The following FOXP1 variants were observed in gnomAD, a reference collection of about 807,000 sequenced individuals.
FOXP1 encodes forkhead box P1.
A neutral mutation model predicts 98.2 loss-of-function variants in FOXP1; 15 were observed. The ratio of observed to expected loss-of-function variants is 0.15; its 90% CI spans 0.10 to 0.24. The LOEUF is 0.24. FOXP1 is among the 10% of genes least tolerant of loss of function. The probability of loss-of-function intolerance (pLI) is 1.00; values close to 1 mark genes in which losing one functional copy is unlikely to be tolerated. For missense variants in FOXP1, 633 were observed against 848.5 expected (o/e 0.75, Z 3.15); for synonymous variants, 371 against 314.5 (o/e 1.18, Z -1.90).
At chr3:71,462,349 T>C (rs1362047672) in intron 3 of FOXP1, among the ~76,000 whole-genome samples, 1 of 152,172 alleles carries the variant, frequency 6.6e-6, no homozygotes, top group East Asian at 1.9e-4. Context: ...TAGATGTTCA[T>C]GTCACAGAAT....
rs143762398 is a variant in FOXP1, at chr3:71,136,080, T to G, written c.181-23443A>C. On this transcript the variant is annotated intron_variant, in intron 6 of 20. Coordinates refer to ENST00000649528, the MANE Select transcript of FOXP1 (RefSeq NM_001349338.3). ...GTTAAATATGATTTATCTAAATCTG[T>G]TTATAATTTAAATATTCATTAAGTA... 1.9e-3 allele frequency among the ~76,000 whole-genome samples: 292 copies of G among 152,292 alleles called. 2 individuals are homozygous for G. The highest frequency in any genetic ancestry group is 6.8e-3 in the African/African-American group (283 of 41,552).
At chr3:71,254,672 A>C (rs952509582) in intron 5 of FOXP1, among the ~76,000 whole-genome samples, 1 of 152,196 alleles carries the variant, frequency 6.6e-6, no homozygotes, top group Non-Finnish European at 1.5e-5. Context: ...TTACACACTG[A>C]AGAGGGCTTT....
chr3:71,123,266 C>T (rs2058916675), intron 6 of FOXP1, among the ~76,000 whole-genome samples: 1 of 152,206 alleles, frequency 6.6e-6, no homozygotes, highest in Non-Finnish European at 1.5e-5. Flanking sequence ...GCAGCAGCAT[C>T]CTGTGTTTCT....
In FOXP1 at chr3:70,966,505, T is replaced by C. The variant is rs1045404873; in HGVS notation, c.1723-449A>G. Among the ~76,000 whole-genome samples the C allele has an allele frequency of 5.3e-5, 8 of 152,230 alleles. No homozygotes were observed. The South Asian group carries it at 6.2e-4, about 12-fold the overall frequency. ...ATCCTGGCCGCACCGCTCAAACTTA[T>C]GAGAACTTCCATAAACATTTACCTC... On this transcript the variant is annotated intron_variant, in intron 19 of 20. Coordinates refer to ENST00000649528, the MANE Select transcript of FOXP1 (RefSeq NM_001349338.3).
intron 6 of FOXP1, among the ~76,000 whole-genome samples, chr3:71,158,106 AGGGAG>A (rs2060922405): frequency 3.0e-5 from 1 of 33,264 alleles, no homozygotes; most frequent in East Asian, 1.6e-3. Context: ...GAAGGAAGGA[AGGGAG>A]GGAGGGAGGG....
chr3:71,470,407 C>G (rs995412113), intron 3 of FOXP1, among the ~76,000 whole-genome samples: 3 of 152,186 alleles, frequency 2.0e-5, no homozygotes, highest in Non-Finnish European at 4.4e-5. Context: ...ATTCTTCTTT[C>G]TTAATGACTT....
At chr3:71,438,389 C>T (rs1249458514) in intron 3 of FOXP1, among the ~76,000 whole-genome samples, 1 of 152,190 alleles carries the variant, frequency 6.6e-6, no homozygotes, top group African/African-American at 2.4e-5. Context: ...CCTATTTCCA[C>T]TTCTTTATCC....
chr3:71,333,913 T>C (rs1020520146), intron 4 of FOXP1: 8 of 149,146 alleles, frequency 5.4e-5, no homozygotes, highest in African/African-American at 2.0e-4. Flanking sequence ...AGAATAAACT[T>C]GAAAAAAAGA....
intron 2 of FOXP1, among the ~76,000 whole-genome samples, chr3:71,545,366 CT>C (rs1435750293): frequency 6.6e-6 from 1 of 152,164 alleles, no homozygotes; most frequent in East Asian, 1.9e-4. Context: ...AATGGTTTTC[CT>C]AATAGCTCTT....
At chr3:71,516,872 A>T (rs1385861621) in intron 2 of FOXP1, among the ~76,000 whole-genome samples, 1 of 152,134 alleles carries the variant, frequency 6.6e-6, no homozygotes, top group Non-Finnish European at 1.5e-5. Flanking sequence ...GAAAAGACTC[A>T]TTCTTCTGTT....
At chr3:71,278,191 A>G (rs1326765316) in intron 5 of FOXP1, among the ~76,000 whole-genome samples, 1 of 152,214 alleles carries the variant, frequency 6.6e-6, no homozygotes, top group African/African-American at 2.4e-5. Flanking sequence ...AAAGGCATTA[A>G]GCAGGGCCTG....
At chr3:71,514,328 T>C (rs2042407277) in intron 2 of FOXP1, among the ~76,000 whole-genome samples, 1 of 152,318 alleles carries the variant, frequency 6.6e-6, no homozygotes, top group South Asian at 2.1e-4. Context: ...CTACTTGGCG[T>C]CACAATCAAA....
intron 5 of FOXP1, among the ~76,000 whole-genome samples, chr3:71,248,294 T>C (rs547579968): frequency 6.6e-6 from 1 of 152,228 alleles, no homozygotes; most frequent in African/African-American, 2.4e-5. Flanking sequence ...ATAACTAATA[T>C]TCAAAATCTG....
rs557950284 is a variant in FOXP1 at position 71,479,584 on chromosome 3, C to T, written c.-168+13842G>A. ...ATCCCAGCTACTCAGGAGGCTGAGG[C>T]AGGAGAATCACTTGAACCCAGGAGG... On this transcript the variant is annotated intron_variant, in intron 3 of 20. Transcript: ENST00000649528. Among the ~76,000 whole-genome samples the T allele has an allele frequency of 4.0e-5, 6 of 150,054 alleles. No individual in the cohort carries two copies. In the South Asian group the frequency reaches 6.3e-4, roughly 16 times the overall value.
chr3:71,372,196 A>G lies in FOXP1; in HGVS notation c.-167-12952T>C, dbSNP rs1475947363. On this transcript the variant is annotated intron_variant, in intron 3 of 20. Coordinates refer to ENST00000649528, the MANE Select transcript of FOXP1 (RefSeq NM_001349338.3). ...CCTGGCTAATTTTTTTTTTTTTTGT[A>G]CTTTTAGTAGAGACAGGGTTTTGCC... is the stretch of plus-strand genomic sequence containing the variant. Among the ~76,000 whole-genome samples the G allele has an allele frequency of 9.0e-4, 87 of 96,238 alleles. No individual in the cohort carries two copies. The East Asian group carries it at 0.039, about 44-fold the overall frequency. The allele number at this position is 96,238 out of a possible 152,430, so 63.1% of individuals were successfully genotyped here.
At chr3:71,477,070 G>A (rs1480258503) in intron 3 of FOXP1, among the ~76,000 whole-genome samples, 1 of 152,130 alleles carries the variant, frequency 6.6e-6, no homozygotes, top group Non-Finnish European at 1.5e-5. Flanking sequence ...CCAGAGCCTT[G>A]AGCTAGTGTT....
At chr3:71,140,535 A>G (rs1345719392) in intron 6 of FOXP1, among the ~76,000 whole-genome samples, 1 of 152,238 alleles carries the variant, frequency 6.6e-6, no homozygotes, top group East Asian at 1.9e-4. Context: ...TTAAAATAAT[A>G]TAGTCTAATA....
intron 3 of FOXP1, among the ~76,000 whole-genome samples, chr3:71,476,482 T>C (rs2089854544): frequency 1.3e-5 from 2 of 152,134 alleles, no homozygotes; most frequent in South Asian, 2.1e-4. Flanking sequence ...TGTCTACGAC[T>C]GCCATTTCAT....
At chr3:71,214,737 C>G (rs530371292) in intron 5 of FOXP1, among the ~76,000 whole-genome samples, 2 of 152,126 alleles carry the variant, frequency 1.3e-5, no homozygotes, top group East Asian at 3.9e-4. Context: ...ACGTTCTCCC[C>G]CAAAAGAGAG....
Sources: allele counts gnomAD v4.1 joint callset (sites outside exome capture counted in the v4.1 genomes callset), GRCh38; gene constraint gnomAD v4.1.1; transcripts MANE v1.5; gene names NCBI Gene and HGNC (gene_info 2026-07-23, HGNC 2026-07-21).